Variants in NLK observed in about 807,000 individuals in gnomAD.
NLK encodes the protein nemo like kinase.
A neutral mutation model predicts 59.0 loss-of-function variants in NLK; 11 were observed. That is an observed-to-expected ratio of 0.19 (90% CI 0.12 to 0.31). The LOEUF (loss-of-function observed/expected upper bound fraction) is 0.31. Among genes scored for constraint, NLK ranks in the 10% least tolerant of loss-of-function variants. NLK has a pLI of 1.00. For missense variants in NLK, 410 were observed against 661.1 expected (o/e 0.62, Z 4.16); for synonymous variants, 235 against 235.9 (o/e 1.00, Z 0.03).
intron 8 of NLK, 68 bp downstream of exon 8, chr17:28,185,333 G>T: frequency 1.0e-6 from 1 of 999,158 alleles, no homozygotes. Context: ...GAAACATTGT[G>T]GTTTTGAATA....
At chr17:28,093,756 G>GA (rs2142781420) in intron 1 of NLK, among the ~76,000 whole-genome samples, 1 of 152,262 alleles carries the variant, frequency 6.6e-6, no homozygotes, top group Admixed American at 6.5e-5. Context: ...TTCCCTGTTT[G>GA]AAAAATGAAG....
chr17:28,187,859 A>G (rs1412540424), intron 8 of NLK, among the ~76,000 whole-genome samples: 1 of 152,176 alleles, frequency 6.6e-6, no homozygotes, highest in South Asian at 2.1e-4. Flanking sequence ...AAGGAAGAGT[A>G]TATATTCTTT....
chr17:28,116,348 G>T, intron 1 of NLK: 2 of 200,392 alleles, frequency 1.0e-5, no homozygotes, highest in South Asian at 2.0e-4. Context: ...GACGCAGCAA[G>T]AGTGAGAACC....
At chr17:28,055,371 A>G (rs1222635679) in intron 1 of NLK, among the ~76,000 whole-genome samples, 5 of 151,728 alleles carry the variant, frequency 3.3e-5, no homozygotes, top group African/African-American at 4.8e-5. Flanking sequence ...GATTACAGGC[A>G]TGAGCCACCT....
chr17:28,097,168 TAA>T (rs951848547), intron 1 of NLK, among the ~76,000 whole-genome samples: 36 of 152,322 alleles, frequency 2.4e-4, no homozygotes, highest in African/African-American at 8.4e-4. Context: ...ATGCATATTA[TAA>T]GTTATTTTTA....
chr17:28,053,353 C>T (rs1909326187), intron 1 of NLK, among the ~76,000 whole-genome samples: 2 of 152,150 alleles, frequency 1.3e-5, no homozygotes, highest in Non-Finnish European at 2.9e-5. Context: ...CCTGTCTGTC[C>T]TGAGTTATTT....
chr17:28,116,684 C>T (rs1228188802), intron 1 of NLK, among the ~76,000 whole-genome samples: 3 of 152,116 alleles, frequency 2.0e-5, no homozygotes, highest in African/African-American at 7.2e-5. Context: ...GTGAATAAAA[C>T]TGTCTTTTTC....
At chr17:28,075,646 T>C (rs972586265) in intron 1 of NLK, among the ~76,000 whole-genome samples, 6 of 152,354 alleles carry the variant, frequency 3.9e-5, no homozygotes, top group Admixed American at 2.6e-4. Flanking sequence ...TCTTAAGTTT[T>C]CTTCTTTTGC....
chr17:28,093,073 G>A (rs891638628), intron 1 of NLK, among the ~76,000 whole-genome samples: 31 of 152,028 alleles, frequency 2.0e-4, no homozygotes, highest in Admixed American at 1.3e-4. Flanking sequence ...GATTACAGGC[G>A]TGAACCACCG....
In NLK at chr17:28,045,369, T is replaced by G. The variant is rs150274163; in HGVS notation, c.458+2038T>G. On this transcript the variant is annotated intron_variant, in intron 1 of 10. Coordinates refer to ENST00000407008, the MANE Select transcript of NLK (RefSeq NM_016231.5). Reference sequence around the variant, plus strand: ...TGATCTAGTCAGGTCCTTCTTTGTTTTGGCTTAAACAACAGAAAATTATTT... The same window carrying G: ...TGATCTAGTCAGGTCCTTCTTTGTTGTGGCTTAAACAACAGAAAATTATTT... Among the ~76,000 whole-genome samples, 351 of 152,338 alleles carry G rather than the reference T, an allele frequency of 2.3e-3. 3 individuals are homozygous for G. Among genetic ancestry groups the G allele is most frequent in the African/African-American group, 7.9e-3 (330 of 41,578 alleles).
chr17:28,204,871 G>A, the NLK span, among the ~76,000 whole-genome samples: 6 of 152,270 alleles, frequency 3.9e-5, no homozygotes, highest in South Asian at 1.0e-3. Flanking sequence ...TGACTTCCTG[G>A]TATTCCAGGG....
At chr17:28,166,644 C>T (rs1908251393) in intron 5 of NLK, among the ~76,000 whole-genome samples, 1 of 152,170 alleles carries the variant, frequency 6.6e-6, no homozygotes, top group African/African-American at 2.4e-5. Context: ...ATCTCATCCT[C>T]AGTGCTCCTA....
At chr17:28,168,365 G>T in intron 5 of NLK, 83 bp from the exon 6 acceptor site, 2 of 976,470 alleles carry the variant, frequency 2.0e-6, no homozygotes, top group Non-Finnish European at 1.6e-6. Flanking sequence ...TCAAAGTTCA[G>T]TGCCCTATCA....
intron 2 of NLK, among the ~76,000 whole-genome samples, chr17:28,124,011 G>C (rs753634394): frequency 6.6e-6 from 1 of 152,138 alleles, no homozygotes; most frequent in African/African-American, 2.4e-5. Flanking sequence ...CAAAGGTTTG[G>C]TCTCACTTTA....
intron 6 of NLK, among the ~76,000 whole-genome samples, chr17:28,171,703 G>A (rs1219293538): frequency 6.6e-6 from 1 of 152,124 alleles, no homozygotes; most frequent in Non-Finnish European, 1.5e-5. Context: ...TAGCACCTTG[G>A]TGAGCCTGAA....
chr17:28,097,230 C>T (rs1478823285), intron 1 of NLK, among the ~76,000 whole-genome samples: 1 of 152,034 alleles, frequency 6.6e-6, no homozygotes, highest in Non-Finnish European at 1.5e-5. Flanking sequence ...TAACAAAATA[C>T]TTACTTTTTG....
intron 3 of NLK, among the ~76,000 whole-genome samples, chr17:28,139,943 G>A (rs1906916272): frequency 6.6e-6 from 1 of 152,082 alleles, no homozygotes; most frequent in African/African-American, 2.4e-5. Context: ...AGGTAGTGTG[G>A]GACTTTAAAA....
intron 4 of NLK, among the ~76,000 whole-genome samples, chr17:28,162,905 C>T (rs1204212293): frequency 2.7e-5 from 4 of 149,696 alleles, no homozygotes; most frequent in Admixed American, 1.3e-4. Flanking sequence ...GGTTACAGAG[C>T]GAGACCCTGT....
chr17:28,084,863 C>G (rs1254203415), intron 1 of NLK, among the ~76,000 whole-genome samples: 2 of 151,990 alleles, frequency 1.3e-5, no homozygotes, highest in African/African-American at 2.4e-5. Context: ...CACCCAGCCC[C>G]TGTCCCTACC....
Sources: allele counts gnomAD v4.1 joint callset (sites outside exome capture counted in the v4.1 genomes callset), GRCh38; gene constraint gnomAD v4.1.1; transcripts MANE v1.5; gene names NCBI Gene and HGNC (gene_info 2026-07-23, HGNC 2026-07-21).